Variants in POSTN observed in about 807,000 individuals in gnomAD.
The protein encoded by POSTN is periostin.
A neutral mutation model predicts 104.5 loss-of-function variants in POSTN; 71 were observed. That is an observed-to-expected ratio of 0.68 (90% CI 0.56 to 0.83). The LOEUF (loss-of-function observed/expected upper bound fraction) is 0.83. POSTN is among the 40% of genes least tolerant of loss of function. The pLI, the probability that POSTN is intolerant of heterozygous loss-of-function variation, is 0.00. For synonymous variants in POSTN, 355 were observed against 340.7 expected, an observed-to-expected ratio of 1.04 and a Z score of -0.46; for missense variants, 949 against 1,006.8, an observed-to-expected ratio of 0.94 and a Z score of 0.78.
chr13:37,589,813 A>T (rs1469003046), intron 4 of POSTN, among the ~76,000 whole-genome samples: 1 of 152,194 alleles, frequency 6.6e-6, no homozygotes, highest in Non-Finnish European at 1.5e-5. Context: ...TCAGTTTTAT[A>T]GATTCGGAAA....
At chr13:37,593,479 G>A (rs889104681) in intron 2 of POSTN, among the ~76,000 whole-genome samples, 2 of 151,296 alleles carry the variant, frequency 1.3e-5, no homozygotes, top group South Asian at 4.2e-4. Context: ...GAAATAGGGG[G>A]ATTATTACAA....
rs1197841883 is a variant in POSTN at position 37,580,766 on chromosome 13, C to T, written c.1393-69G>A. On this transcript the variant is annotated intron_variant, in intron 10 of 22. Transcript: ENST00000379747. The stretch of plus-strand genomic sequence containing the variant: ...GAAATTTCCCGTATAGATGTAACTA[C>T]ATAATTAAGTTTCCGGATCGGCCCT... 7 of 1,592,580 alleles carry T rather than the reference C, an allele frequency of 4.4e-6. No homozygotes were observed. The East Asian group carries it at 1.6e-4, about 36-fold the overall frequency.
In POSTN at chr13:37,586,820, C is replaced by T. The variant is rs758758265; in HGVS notation, c.715G>A (p.Asp239Asn). Residue 239 changes from aspartate to asparagine, a missense_variant, in exon 6 of 23, where the codon GAC becomes AAC. By Grantham distance (23) the Asp-to-Asn change is conservative. Coordinates refer to ENST00000379747, the MANE Select transcript of POSTN (RefSeq NM_006475.3). The part of the protein sequence containing the change: ...VLTQIGTSIQ[D>N]FIEAEDDLSS... ...AGGTCATCTTCTGCTTCAATGAAGT[C>T]TTGAATTGAGGTACCAATTTGTGTA... The T allele has an allele frequency of 4.3e-6, 7 of 1,613,100 alleles. No homozygotes were observed. Among genetic ancestry groups the T allele is most frequent in the Non-Finnish European group, 5.9e-6 (7 of 1,179,364 alleles).
chr13:37,588,479 G>T (rs1431631879), intron 4 of POSTN, among the ~76,000 whole-genome samples: 1 of 152,082 alleles, frequency 6.6e-6, no homozygotes, highest in Admixed American at 6.6e-5. Flanking sequence ...AATGCTATGG[G>T]AAATATAATG....
At chr13:37,596,308 C>A (rs1951083602) in intron 2 of POSTN, among the ~76,000 whole-genome samples, 1 of 152,092 alleles carries the variant, frequency 6.6e-6, no homozygotes, top group South Asian at 2.1e-4. Flanking sequence ...GTTTTCTTGA[C>A]TGGGGATGAC....
intron 19 of POSTN, among the ~76,000 whole-genome samples, chr13:37,570,104 G>T (rs1277022984): frequency 6.6e-6 from 1 of 151,884 alleles, no homozygotes; most frequent in Admixed American, 6.6e-5. Flanking sequence ...GATTTTCGGC[G>T]AATTTTAGGC....
chr13:37,563,297 G>GAAAAA lies in POSTN; in HGVS notation c.*35_*36insTTTTT, dbSNP rs766192882. 6.5e-5 allele frequency: 98 copies of GAAAAA among 1,504,342 alleles called. No homozygotes were observed. The highest frequency in any genetic ancestry group is 8.4e-5 in the Non-Finnish European group (92 of 1,090,916). The allele number at this position is 1,504,342 out of a possible 1,614,324, so 93.2% of individuals were successfully genotyped here. On this transcript the variant is annotated 3_prime_UTR_variant, in exon 23 of 23. Transcript: ENST00000379747. ...TTTCTAAGGTCAGGTTATTGACTTA[G>GAAAAA]GGTTGTATAAACATTTTTTTCTGGT...
chr13:37,584,679 TA>T (rs778273078), intron 8 of POSTN, 36 bp downstream of exon 8: 2 of 1,533,992 alleles, frequency 1.3e-6, no homozygotes, highest in East Asian at 4.5e-5. Context: ...TTACAGTAAG[TA>T]AAAAAACAAA....
chr13:37,570,660 A>G lies in POSTN; in HGVS notation c.2189T>C (p.Ile730Thr). The change falls in exon 19 of 23, where the codon ATT becomes ACT. Residue 730 changes from isoleucine to threonine, a missense_variant. Transcript: ENST00000379747. ...ATCAATGATTTTGGTGTATTTTTTA[A>G]TAATTGGCTCTAAAAGCAGGGGAAT... is the stretch of plus-strand genomic sequence containing the variant. ...ITEVIHGEPI[I>T]KKYTKIIDGV... is the part of the protein sequence containing the mutation. The G allele has an allele frequency of 6.2e-7, 1 of 1,602,020 alleles. No homozygotes were observed.
intron 21 of POSTN, chr13:37,568,896 A>G (rs1417672709): frequency 6.5e-6 from 1 of 153,932 alleles, no homozygotes; most frequent in Non-Finnish European, 1.4e-5. Context: ...TATGTATAGA[A>G]TTTAAAGACA....
At chr13:37,588,990 G>A (rs1183863117) in intron 4 of POSTN, among the ~76,000 whole-genome samples, 3 of 152,082 alleles carry the variant, frequency 2.0e-5, no homozygotes, top group African/African-American at 7.2e-5. Context: ...TTTAAGAATT[G>A]GAGAAAGGGG....
rs1318787527 is a variant in POSTN at position 37,598,651 on chromosome 13, CATA to C, written c.73_75del (p.Tyr25del). 2.5e-6 allele frequency: 4 copies of C among 1,613,442 alleles called. No homozygotes were observed. The highest frequency in any genetic ancestry group is 3.4e-6 in the Non-Finnish European group (4 of 1,179,524). On this transcript the variant is annotated inframe_deletion, in exon 1 of 23. Transcript: ENST00000379747. The stretch of plus-strand genomic sequence containing the variant: ...ATACGACTATGAGCCAAGATCTTGT[CATA>C]ATGATTGTTGGCGTTTATAGGGTTA...
intron 17 of POSTN, among the ~76,000 whole-genome samples, 200 bp downstream of exon 17, chr13:37,574,372 G>A (rs1950346414): frequency 6.6e-6 from 1 of 151,902 alleles, no homozygotes; most frequent in South Asian, 2.1e-4. Context: ...TGTACTGAAA[G>A]TATTAGGAAT....
intron 16 of POSTN, 54 bp from the exon 17 acceptor site, chr13:37,574,706 AG>A: frequency 1.3e-6 from 2 of 1,501,842 alleles, no homozygotes; most frequent in Non-Finnish European, 1.8e-6. Context: ...ACCTGAACAA[AG>A]GTTTTTTTTT....
At position 37,583,993 on chromosome 13, in the gene POSTN, C is replaced by T. The variant is rs150975612; in HGVS notation, c.1219G>A (p.Ala407Thr). 9.9e-6 allele frequency: 16 copies of T among 1,613,648 alleles called. No individual in the cohort carries two copies. The highest frequency in any genetic ancestry group is 2.2e-5 in the East Asian group (1 of 44,858). Residue 407 changes from alanine (A) to threonine (T), a missense_variant, in exon 9 of 23, where the codon GCA becomes ACA. Physicochemically the swap from Ala to Thr is moderately conservative, Grantham distance 58. Coordinates refer to ENST00000379747, the MANE Select transcript of POSTN (RefSeq NM_006475.3). ...LRPDGEYTLL[A>T]PVNNAFSDDT... ...CCAGAAAATGCATTATTCACAGGTG[C>T]CAGCAAAGTGTATTCTCCATCTGGC... is the stretch of plus-strand genomic sequence containing the variant.
chr13:37,586,517 A>C (rs1950749797), intron 6 of POSTN, among the ~76,000 whole-genome samples: 1 of 152,238 alleles, frequency 6.6e-6, no homozygotes, highest in Non-Finnish European at 1.5e-5. Flanking sequence ...AATATCCAGC[A>C]GTACATATAA....
In POSTN at chr13:37,587,816, A is replaced by G. The variant is rs140175296; in HGVS notation, c.606+6T>C. On this transcript the variant is annotated splice_donor_region_variant and intron_variant, in intron 5 of 22. Transcript: ENST00000379747. ...CATAAGTGTACTTTTTACTGATAAA[A>G]CTTACCCCATTAGGATAATGGTTAA... 1.9e-6 allele frequency: 3 copies of G among 1,565,098 alleles called. No individual in the cohort carries two copies. The East Asian group carries it at 6.8e-5, about 35-fold the overall frequency.
Position 37,574,661 on chromosome 13 carries a change from A to C in POSTN, c.2009-9T>G, listed in dbSNP as rs1406100301. Reference sequence around the variant, plus strand: ...GGTTATAATTTTAGTTGCTGAAAGTATAGAAAGTGGAACATGAAAAATATT... The same window carrying C: ...GGTTATAATTTTAGTTGCTGAAAGTCTAGAAAGTGGAACATGAAAAATATT... On this transcript the variant is annotated splice_polypyrimidine_tract_variant and intron_variant, in intron 16 of 22. Coordinates refer to ENST00000379747, the MANE Select transcript of POSTN (RefSeq NM_006475.3). 1.9e-6 allele frequency: 3 copies of C among 1,578,358 alleles called. No homozygotes were observed. The highest frequency in any genetic ancestry group is 2.6e-6 in the Non-Finnish European group (3 of 1,168,826).
At position 37,574,552 on chromosome 13, in the gene POSTN, T is replaced by G; in HGVS notation, c.2089+20A>C. 1 of 1,580,772 alleles carries G rather than the reference T, an allele frequency of 6.3e-7. No homozygotes were observed. Among genetic ancestry groups the G allele is most frequent in the Non-Finnish European group, 8.6e-7 (1 of 1,169,246 alleles). On this transcript the variant is annotated intron_variant, in intron 17 of 22. Transcript: ENST00000379747. ...GATGTTTTTACTATAAAAGGAACCA[T>G]GTATAACATTGATTTTTACCTTCAG...
Sources: gnomAD v4.1 joint callset for allele counts (sites outside exome capture counted in the v4.1 genomes callset) on GRCh38, gnomAD v4.1.1 for gene constraint, MANE v1.5 for transcripts, NCBI Gene and HGNC (gene_info 2026-07-23, HGNC 2026-07-21) for gene names.